The following PRKACB variants were observed in gnomAD, a reference collection of about 807,000 sequenced individuals.
PRKACB encodes the protein cAMP-dependent protein kinase catalytic subunit beta.
Under a neutral mutation model 51.4 loss-of-function variants are expected in PRKACB, and 16 were observed. That is an observed-to-expected ratio of 0.31 (90% CI 0.21 to 0.47). The LOEUF is 0.47. Ranked by LOEUF, PRKACB falls within the 20% of genes least tolerant of loss-of-function variation. PRKACB has a pLI of 1.00. For synonymous variants in PRKACB, 147 were observed against 154.4 expected (o/e 0.95, Z 0.35); for missense variants, 309 against 464.5 (o/e 0.67, Z 3.08).
At position 84,222,196 on chromosome 1, in the gene PRKACB, G is replaced by C. The variant is rs556582295; in HGVS notation, c.1071+7879G>C. 5.4e-4 allele frequency among the ~76,000 whole-genome samples: 82 copies of C among 151,952 alleles called. 1 individual carries two copies. The South Asian group carries it at 0.017, about 31-fold the overall frequency. On this transcript the variant is annotated intron_variant, in intron 9 of 9. Coordinates refer to ENST00000370685, the MANE Select transcript of PRKACB (RefSeq NM_182948.4). Reference sequence around the variant, plus strand: ...ATGACCTTCTTTGTCTCATTTTACTGTTTTGACTTAAAGTTTCCTTTATCT... The same window carrying C: ...ATGACCTTCTTTGTCTCATTTTACTCTTTTGACTTAAAGTTTCCTTTATCT...
At chr1:84,204,511 G>C (rs1437856962) in intron 8 of PRKACB, 1 of 1,603,586 alleles carries the variant, frequency 6.2e-7, no homozygotes, top group Admixed American at 1.7e-5. Flanking sequence ...ACAAAACTTT[G>C]AGAAAAATTA....
chr1:84,084,579 A>C (rs1647814006), intron 1 of PRKACB, among the ~76,000 whole-genome samples: 1 of 151,740 alleles, frequency 6.6e-6, no homozygotes, highest in Non-Finnish European at 1.5e-5. Context: ...AGGGATTTTG[A>C]GGGTCTGAAC....
chr1:84,107,068 G>A (rs989671269), intron 1 of PRKACB, among the ~76,000 whole-genome samples: 5 of 151,960 alleles, frequency 3.3e-5, no homozygotes, highest in African/African-American at 1.2e-4. Flanking sequence ...AAAATAATCT[G>A]TACACCACAC....
At chr1:84,129,481 G>T (rs1651958183) in intron 1 of PRKACB, among the ~76,000 whole-genome samples, 1 of 152,000 alleles carries the variant, frequency 6.6e-6, no homozygotes, top group African/African-American at 2.4e-5. Flanking sequence ...GTCTCATAAA[G>T]TACTGTGACA....
rs138354313 is a variant in PRKACB at position 84,091,499 on chromosome 1, G to T, written c.46+13128G>T. Among the ~76,000 whole-genome samples, 128 of 151,678 alleles carry T rather than the reference G, an allele frequency of 8.4e-4. 1 individual carries two copies. The East Asian group carries it at 0.023, about 28-fold the overall frequency. On this transcript the variant is annotated intron_variant, in intron 1 of 8. Coordinates refer to the PRKACB transcript ENST00000370688. ...TAGATTTAACTTTCTTGTTTTTTTG[G>T]TTTTTGTTGTTGTTGTTGTTTTGAG...
At chr1:84,191,184 C>T (rs1401950274) in intron 5 of PRKACB, among the ~76,000 whole-genome samples, 1 of 152,052 alleles carries the variant, frequency 6.6e-6, no homozygotes, top group Non-Finnish European at 1.5e-5. Flanking sequence ...GTTTAGGACT[C>T]CCTTAAGGAC....
At chr1:84,102,595 T>C (rs1649435978) in intron 1 of PRKACB, among the ~76,000 whole-genome samples, 1 of 152,120 alleles carries the variant, frequency 6.6e-6, no homozygotes, top group Non-Finnish European at 1.5e-5. Flanking sequence ...TTTGATAATA[T>C]GAGAAACCCA....
intron 3 of PRKACB, among the ~76,000 whole-genome samples, chr1:84,182,780 G>C (rs956084527): frequency 8.4e-6 from 1 of 119,464 alleles, no homozygotes; most frequent in Non-Finnish European, 2.1e-5. Flanking sequence ...TGAGCACCTG[G>C]GCATTTTGGT....
At chr1:84,123,536 TA>T (rs199588298) in intron 1 of PRKACB, among the ~76,000 whole-genome samples, 1,693 of 152,052 alleles carry the variant, frequency 0.011, 40 homozygotes, top group African/African-American at 0.039. Context: ...TGCCATTTAT[TA>T]AAAAAAAGAA....
intron 1 of PRKACB, among the ~76,000 whole-genome samples, chr1:84,095,517 G>A (rs1351852295): frequency 6.6e-6 from 1 of 151,786 alleles, no homozygotes; most frequent in Non-Finnish European, 1.5e-5. Context: ...TAGTCTCAGT[G>A]TTGCTTTATG....
At chr1:84,185,538 G>T (rs1395119073) in intron 5 of PRKACB, among the ~76,000 whole-genome samples, 1 of 151,580 alleles carries the variant, frequency 6.6e-6, no homozygotes, top group Middle Eastern at 3.2e-3. Context: ...ATTGTTTTAA[G>T]GATGAAGATG....
At chr1:84,217,042 C>G (rs182909537) in intron 9 of PRKACB, among the ~76,000 whole-genome samples, 3 of 152,256 alleles carry the variant, frequency 2.0e-5, no homozygotes, top group Admixed American at 1.3e-4. Flanking sequence ...AGACATTGAT[C>G]TGAATCCCTG....
intron 1 of PRKACB, among the ~76,000 whole-genome samples, chr1:84,151,429 G>A (rs75258399): frequency 0.019 from 2,859 of 152,182 alleles, 41 homozygotes; most frequent in Non-Finnish European, 0.028. Flanking sequence ...GATGGCAGTG[G>A]CAATTTCTTA....
In PRKACB at chr1:84,223,370, G is replaced by T. The variant is rs12127902; in HGVS notation, c.1071+9053G>T. Among the ~76,000 whole-genome samples, 55 of 21,350 alleles carry T rather than the reference G, an allele frequency of 2.6e-3. 1 individual carries two copies. Among genetic ancestry groups the T allele is most frequent in the South Asian group, 5.6e-3 (2 of 358 alleles). 14.0% of individuals were successfully genotyped at this position (21,350 alleles called of 152,430 possible). A position where few individuals can be genotyped will look rare whatever the true frequency, so the allele number is the denominator to read the frequency against. On this transcript the variant is annotated intron_variant, in intron 9 of 9. Coordinates refer to ENST00000370685, the MANE Select transcript of PRKACB (RefSeq NM_182948.4). ...TGGATCTGTTTGGTTGTTTTTTTTT[G>T]TTTTTTTGTTTTTTTTGAAATGGTG...
chr1:84,181,225 A>G (rs1216189884), intron 2 of PRKACB, among the ~76,000 whole-genome samples: 1 of 151,998 alleles, frequency 6.6e-6, no homozygotes, highest in Non-Finnish European at 1.5e-5. Flanking sequence ...ACCTATACAA[A>G]TTCCTCACTG....
rs747486329 is a variant in PRKACB, at chr1:84,144,385, T to A, written c.24T>A (p.Pro8=). MAAYREP[P]CNQYTGTTTA... ...GAATGGCAGCTTATAGAGAACCACCTTGTAACCAGTATACAGGTACAACTA... is the reference window on the plus strand; with the variant it reads ...GAATGGCAGCTTATAGAGAACCACCATGTAACCAGTATACAGGTACAACTA... The change falls in exon 1 of 10, where the codon CCT becomes CCA. Residue 8 remains proline, a synonymous_variant. Coordinates refer to ENST00000370685, the MANE Select transcript of PRKACB (RefSeq NM_182948.4). 6.2e-6 allele frequency: 10 copies of A among 1,611,596 alleles called. No individual in the cohort carries two copies. The highest frequency in any genetic ancestry group is 8.5e-6 in the Non-Finnish European group (10 of 1,179,062).
Position 84,237,134 on chromosome 1 carries a change from A to G in PRKACB, c.*1829A>G, listed in dbSNP as rs1320797199. ...TGATATTGATTTCACTGGTCCATCT[A>G]TATTTAAAACGTGCAAGAAAAAAAT... On this transcript the variant is annotated 3_prime_UTR_variant, in exon 10 of 10. Transcript: ENST00000370685. 2 of 152,576 alleles carry G rather than the reference A, an allele frequency of 1.3e-5. No homozygotes were observed. Among genetic ancestry groups the G allele is most frequent in the Non-Finnish European group, 2.9e-5 (2 of 68,016 alleles). 9.5% of individuals were successfully genotyped at this position (152,576 alleles called of 1,614,324 possible). A position where few individuals can be genotyped will look rare whatever the true frequency, so the allele number is the denominator to read the frequency against.
At chr1:84,145,966 A>G (rs1481325180) in intron 1 of PRKACB, among the ~76,000 whole-genome samples, 1 of 151,984 alleles carries the variant, frequency 6.6e-6, no homozygotes, top group Non-Finnish European at 1.5e-5. Context: ...GTGTTTAGTA[A>G]AAGTGTCTCA....
intron 1 of PRKACB, among the ~76,000 whole-genome samples, chr1:84,092,341 C>T (rs951886057): frequency 6.6e-6 from 1 of 152,128 alleles, no homozygotes; most frequent in Non-Finnish European, 1.5e-5. Flanking sequence ...ATGTTTTTGT[C>T]ATAGCAGTGA....
Sources: allele counts gnomAD v4.1 joint callset (sites outside exome capture counted in the v4.1 genomes callset), GRCh38; gene constraint gnomAD v4.1.1; transcripts MANE v1.5; gene names NCBI Gene and HGNC (gene_info 2026-07-23, HGNC 2026-07-21).